Variants in NTM observed in about 807,000 individuals in gnomAD.
NTM encodes IgLON family member 2.
NTM carries 13 observed loss-of-function variants against 42.1 expected under a neutral mutation model. The ratio of observed to expected loss-of-function variants is 0.31; its 90% confidence interval spans 0.20 to 0.49. The LOEUF is 0.49. NTM is among the 20% of genes least tolerant of loss of function. NTM has a pLI of 0.99. For missense variants in NTM, 373 were observed against 452.8 expected (o/e 0.82, Z 1.60); for synonymous variants, 187 against 179.2 (o/e 1.04, Z -0.35).
At chr11:132,263,075 C>T (rs547546533) in intron 4 of NTM, among the ~76,000 whole-genome samples, 1 of 152,300 alleles carries the variant, frequency 6.6e-6, no homozygotes, top group East Asian at 1.9e-4. Flanking sequence ...CAAGAATAGT[C>T]CTCTTTTGCT....
intron 2 of NTM, among the ~76,000 whole-genome samples, chr11:131,998,466 C>T (rs946114573): frequency 2.6e-5 from 4 of 152,214 alleles, no homozygotes; most frequent in African/African-American, 9.6e-5. Context: ...CAGCCCTCCA[C>T]CATTTCCTGA....
chr11:132,296,104 A>G (rs747814486), intron 4 of NTM, among the ~76,000 whole-genome samples: 4 of 152,102 alleles, frequency 2.6e-5, no homozygotes, highest in Non-Finnish European at 4.4e-5. Context: ...CTGCCAAGAG[A>G]GATCAGATGC....
At chr11:131,663,630 T>C (rs185790639) in intron 1 of NTM, 1 of 152,356 alleles carries the variant, frequency 6.6e-6, no homozygotes, top group East Asian at 1.9e-4. Flanking sequence ...AACAAAGAAC[T>C]CTGTGGTCTT....
In NTM at chr11:131,954,201, G is replaced by T. The variant is rs1198853807; in HGVS notation, c.167+42553G>T. Reference sequence around the variant, plus strand: ...CAGAGGCCAGTGGTTTTGGGAGCCAGACACAGGCATTGTAAGTAGCACAGG... The same window carrying T: ...CAGAGGCCAGTGGTTTTGGGAGCCATACACAGGCATTGTAAGTAGCACAGG... On this transcript the variant is annotated intron_variant, in intron 2 of 8. Coordinates refer to ENST00000683400, the MANE Select transcript of NTM (RefSeq NM_001352005.2). 3.9e-5 allele frequency among the ~76,000 whole-genome samples: 6 copies of T among 152,230 alleles called. No homozygotes were observed. The East Asian group carries it at 1.2e-3, about 29-fold the overall frequency.
rs1340227228 is a variant in NTM at position 132,111,085 on chromosome 11, AAAAAAAAAAAAAAAAAAAAAAAAAAG to A, written c.168-35195_168-35170del. Among the ~76,000 whole-genome samples, 2 of 32,784 alleles carry A rather than the reference AAAAAAAAAAAAAAAAAAAAAAAAAAG, an allele frequency of 6.1e-5. 1 individual carries two copies. The highest frequency in any genetic ancestry group is 3.2e-4 in the African/African-American group (2 of 6,158). 21.5% of individuals were successfully genotyped at this position (32,784 alleles called of 152,430 possible). The stretch of plus-strand genomic sequence containing the variant: ...TCTCAAAAAAAAAAAAAAAAAAAAA[AAAAAAAAAAAAAAAAAAAAAAAAAAG>A]AGACAGAGAGAAAGAAAACTATGGT... On this transcript the variant is annotated intron_variant, in intron 2 of 8. Coordinates refer to ENST00000683400, the MANE Select transcript of NTM (RefSeq NM_001352005.2).
intron 2 of NTM, among the ~76,000 whole-genome samples, chr11:132,031,103 G>A (rs2075859453): frequency 6.6e-6 from 1 of 152,136 alleles, no homozygotes; most frequent in Non-Finnish European, 1.5e-5. Flanking sequence ...CCAAAGCAAG[G>A]CACAGAGCCA....
Position 132,146,228 on chromosome 11 carries a change from A to T in NTM, c.168-54A>T. On this transcript the variant is annotated intron_variant, in intron 2 of 8. Transcript: ENST00000683400. This position sits in a 1 kb window ranked among gnomAD's most constrained non-coding sequence, Gnocchi z 4.5. ...GCCTTGCCATGAGGACCTCCCTCTG[A>T]TGGCTGCTGTCGTCTCTCAGTCCCT... The T allele has an allele frequency of 6.2e-7, 1 of 1,600,224 alleles. No homozygotes were observed. Among genetic ancestry groups the T allele is most frequent in the Non-Finnish European group, 8.5e-7 (1 of 1,171,344 alleles).
At position 131,954,400 on chromosome 11, in the gene NTM, C is replaced by T. The variant is rs533448554; in HGVS notation, c.167+42752C>T. On this transcript the variant is annotated intron_variant, in intron 2 of 8. Coordinates refer to ENST00000683400, the MANE Select transcript of NTM (RefSeq NM_001352005.2). ...TGCAGGCCAAGCCTTCACCTGGACA[C>T]GATCAGGGACTCTGGCTCTCTGAAG... Among the ~76,000 whole-genome samples the T allele has an allele frequency of 3.9e-5, 6 of 152,288 alleles. No homozygotes were observed. The East Asian group carries it at 7.7e-4, about 20-fold the overall frequency.
At chr11:131,402,444 A>C (rs1945349405) in intron 1 of NTM, among the ~76,000 whole-genome samples, 2 of 152,102 alleles carry the variant, frequency 1.3e-5, no homozygotes, top group African/African-American at 4.8e-5. Flanking sequence ...CCAGTGGCCA[A>C]ATAGGGGTTA....
At position 131,769,501 on chromosome 11, in the gene NTM, T is replaced by C. The variant is rs1226772924; in HGVS notation, c.83-142063T>C. The C allele has an allele frequency of 7.4e-6, 3 of 406,312 alleles. No homozygotes were observed. In the East Asian group the frequency reaches 4.8e-4, roughly 65 times the overall value. The allele number at this position is 406,312 out of a possible 1,614,324, so 25.2% of individuals were successfully genotyped here. A position where few individuals can be genotyped will look rare whatever the true frequency, so the allele number is the denominator to read the frequency against. On this transcript the variant is annotated intron_variant, in intron 1 of 8. Coordinates refer to ENST00000683400, the MANE Select transcript of NTM (RefSeq NM_001352005.2). The stretch of plus-strand genomic sequence containing the variant: ...ATAAGTGTTCATGAGGAACTAATTA[T>C]TCTGGTATTTATAAAGAAGTTATTG...
intron 1 of NTM, among the ~76,000 whole-genome samples, chr11:131,619,404 C>T (rs1285479543): frequency 1.3e-5 from 2 of 152,184 alleles, no homozygotes; most frequent in East Asian, 3.9e-4. Flanking sequence ...TCTAGTAACA[C>T]TGAGGCTAGG....
intron 2 of NTM, among the ~76,000 whole-genome samples, chr11:132,071,057 C>T (rs181295728): frequency 0.011 from 1,518 of 141,428 alleles, 91 homozygotes; most frequent in Non-Finnish European, 0.018. Flanking sequence ...ACACGTCACA[C>T]TGACCGTCAC....
At chr11:132,275,029 A>C (rs1009013233) in intron 4 of NTM, among the ~76,000 whole-genome samples, 3 of 152,030 alleles carry the variant, frequency 2.0e-5, no homozygotes, top group Non-Finnish European at 4.4e-5. Context: ...ATTTCATTTC[A>C]TTTTTTGGGT....
At chr11:131,739,573 C>T (rs1202159245) in intron 1 of NTM, among the ~76,000 whole-genome samples, 1 of 152,212 alleles carries the variant, frequency 6.6e-6, no homozygotes, top group Non-Finnish European at 1.5e-5. Flanking sequence ...CTCTGTCCTC[C>T]GCGGTTCCTG....
chr11:131,835,436 GAAGA>G (rs996530582), intron 1 of NTM, among the ~76,000 whole-genome samples: 1 of 152,090 alleles, frequency 6.6e-6, no homozygotes, highest in African/African-American at 2.4e-5. Context: ...AACAGAAATA[GAAGA>G]AAGATTTAAA....
At chr11:131,433,352 G>C (rs1344615355) in intron 1 of NTM, among the ~76,000 whole-genome samples, 1 of 152,056 alleles carries the variant, frequency 6.6e-6, no homozygotes, top group Admixed American at 6.6e-5. Flanking sequence ...TATTTTCTGT[G>C]TATGTCTATT....
chr11:131,400,032 C>A (rs941213690), intron 1 of NTM, among the ~76,000 whole-genome samples: 1 of 151,938 alleles, frequency 6.6e-6, no homozygotes, highest in Non-Finnish European at 1.5e-5. Context: ...ATGTATGGGG[C>A]CTGATTGCCC....
chr11:131,966,994 G>A (rs1041671807), intron 2 of NTM, among the ~76,000 whole-genome samples: 1 of 152,116 alleles, frequency 6.6e-6, no homozygotes, highest in African/African-American at 2.4e-5. Context: ...AAAGAGAGGT[G>A]TCAAGAGCAA....
chr11:131,561,952 A>G (rs2137005098), intron 1 of NTM, among the ~76,000 whole-genome samples: 2 of 152,366 alleles, frequency 1.3e-5, no homozygotes, highest in East Asian at 3.9e-4. Context: ...AAGAGAGAAG[A>G]GGCGACTGAA....
Sources: gnomAD v4.1 joint callset for allele counts (sites outside exome capture counted in the v4.1 genomes callset) on GRCh38, gnomAD v4.1.1 for gene constraint, Gnocchi (gnomAD v3.1) non-coding constraint, MANE v1.5 for transcripts, NCBI Gene and HGNC (gene_info 2026-07-23, HGNC 2026-07-21) for gene names.